Variants in XRN1 observed in about 807,000 individuals in gnomAD.
XRN1 encodes the protein 5'-3' exoribonuclease 1.
In XRN1, 67 loss-of-function variants were observed where a neutral mutation model predicts 222.3. The ratio of observed to expected loss-of-function variants is 0.30; its 90% CI spans 0.25 to 0.37. The LOEUF is 0.37. Ranked by LOEUF, XRN1 falls within the 10% of genes least tolerant of loss-of-function variation. XRN1 has a pLI of 1.00. For missense variants in XRN1, 1,707 were observed against 2,000.2 expected, an observed-to-expected ratio of 0.85 and a Z score of 2.80; for synonymous variants, 643 against 652.4, an observed-to-expected ratio of 0.99 and a Z score of 0.22.
intron 21 of XRN1, 51 bp from the exon 22 acceptor site, chr3:142,383,464 T>A: frequency 6.8e-7 from 1 of 1,474,568 alleles, no homozygotes; most frequent in Non-Finnish European, 9.3e-7. Flanking sequence ...ATAGATTGCG[T>A]ATCAAGTTTT....
chr3:142,377,351 A>G (rs2067176049), intron 23 of XRN1, among the ~76,000 whole-genome samples: 1 of 152,206 alleles, frequency 6.6e-6, no homozygotes, highest in African/African-American at 2.4e-5. Context: ...AACATACTTA[A>G]GAACATAATC....
chr3:142,403,574 T>A (rs751193338), intron 18 of XRN1, 100 bp downstream of exon 18: 290 of 1,069,150 alleles, frequency 2.7e-4, no homozygotes, highest in Non-Finnish European at 3.7e-4. Context: ...TCCAAATTTC[T>A]AGAGTTACAA....
chr3:142,429,443 C>T lies in XRN1; in HGVS notation c.309-2602G>A, dbSNP rs116144499. Among the ~76,000 whole-genome samples the T allele has an allele frequency of 5.1e-3, 783 of 152,126 alleles. 9 individuals are homozygous for T. Among genetic ancestry groups the T allele is most frequent in the African/African-American group, 0.018 (759 of 41,514 alleles). ...GATTACAGGTGCGAGCCACCACGCCCGGCCTGGATTTAGCCGTAATCTTGT... is the reference window on the plus strand; with the variant it reads ...GATTACAGGTGCGAGCCACCACGCCTGGCCTGGATTTAGCCGTAATCTTGT... On this transcript the variant is annotated intron_variant, in intron 2 of 40. Transcript: ENST00000392981.
chr3:142,382,915 T>C (rs923802055), intron 22 of XRN1, among the ~76,000 whole-genome samples: 11 of 152,186 alleles, frequency 7.2e-5, no homozygotes, highest in African/African-American at 2.7e-4. Context: ...CATATTTGCA[T>C]GTACCTTTTT....
chr3:142,388,048 T>C (rs1388701664), intron 20 of XRN1, among the ~76,000 whole-genome samples: 2 of 152,186 alleles, frequency 1.3e-5, no homozygotes, highest in Non-Finnish European at 2.9e-5. Context: ...CTCTTTTCTT[T>C]ATAAATTACC....
intron 16 of XRN1, 112 bp from the exon 17 acceptor site, chr3:142,404,101 G>C: frequency 1.1e-6 from 1 of 927,926 alleles, no homozygotes; most frequent in East Asian, 2.7e-5. Context: ...TTAAAGAAGA[G>C]AATGACAATT....
At position 142,422,843 on chromosome 3, in the gene XRN1, C is replaced by G. The variant is rs200974219; in HGVS notation, c.790G>C (p.Val264Leu). 1 of 1,607,818 alleles carries G rather than the reference C, an allele frequency of 6.2e-7. No individual in the cohort carries two copies. ...GCTTTATTAATACTTACTTTTAATA[C>G]TGAAAACTCATAGTCAATATACTCT... Reference protein sequence around the residue: ...MREYIDYEFSVLKEKITFKYD... With the variant: ...MREYIDYEFSLLKEKITFKYD... Residue 264 changes from valine (V) to leucine (L), a missense_variant, in exon 7 of 41, where the codon GTA (valine) becomes CTA (leucine). By Grantham distance (32) the Val-to-Leu change is conservative (BLOSUM62 1). This residue lies in a region of XRN1 where 1,234 missense variants were observed against 1,518.2 expected (regional missense o/e 0.81). Transcript: ENST00000392981.
intron 29 of XRN1, among the ~76,000 whole-genome samples, chr3:142,364,179 C>T (rs1037788625): frequency 6.6e-6 from 1 of 152,228 alleles, no homozygotes; most frequent in African/African-American, 2.4e-5. Context: ...TGGCACATTG[C>T]TGGCACTAAT....
chr3:142,318,887 T>C lies in XRN1; in HGVS notation c.4421A>G (p.Gln1474Arg). The C allele has an allele frequency of 1.2e-6, 2 of 1,613,632 alleles. No individual in the cohort carries two copies. Among genetic ancestry groups the C allele is most frequent in the Non-Finnish European group, 1.7e-6 (2 of 1,179,824 alleles). ...LRMPQTMTVC[Q>R]VKLSNGLLVH... ...CAGTAAGCCATTAGATAATTTTACT[T>C]GGCAAACGGTCATTGTCTAAAAAAA... Residue 1474 changes from glutamine (Q) to arginine (R), a missense_variant, in exon 38 of 41, where the codon CAA becomes CGA. Gln to Arg is a conservative substitution (Grantham distance 43). Coordinates refer to ENST00000392981, the MANE Select transcript of XRN1 (RefSeq NM_001282857.2).
At chr3:142,385,930 AAT>A (rs1226555216) in intron 20 of XRN1, among the ~76,000 whole-genome samples, 9 of 151,688 alleles carry the variant, frequency 5.9e-5, no homozygotes, top group East Asian at 1.9e-4. Context: ...TGTTTATACA[AAT>A]ATGTCATAAA....
In XRN1 at chr3:142,383,369, C is replaced by G. The variant is rs2067371973; in HGVS notation, c.2547G>C (p.Leu849Phe). ...FDSRFSNIKTLDDLFPLRSMV... is the reference protein window; with the variant it reads ...FDSRFSNIKTFDDLFPLRSMV... ...TACTTCTCAGAGGAAACAAATCATC[C>G]AATGTTTTGATATTGGAGAAACGGG... The change falls in exon 22 of 41, where the codon TTG becomes TTC. Residue 849 changes from leucine (L) to phenylalanine (F), a missense_variant. Transcript: ENST00000392981. 1 of 1,613,958 alleles carries G rather than the reference C, an allele frequency of 6.2e-7. No individual in the cohort carries two copies. Among genetic ancestry groups the G allele is most frequent in the African/African-American group, 1.3e-5 (1 of 75,022 alleles).
At chr3:142,400,279 A>G (rs937368792) in intron 19 of XRN1, among the ~76,000 whole-genome samples, 165 bp downstream of exon 19, 3 of 152,234 alleles carry the variant, frequency 2.0e-5, no homozygotes, top group African/African-American at 7.2e-5. Context: ...TAAACTGTCA[A>G]TAGTGTTTGA....
chr3:142,394,507 A>C (rs2067855860), intron 20 of XRN1, among the ~76,000 whole-genome samples: 1 of 152,200 alleles, frequency 6.6e-6, no homozygotes. Flanking sequence ...ACTTATGACC[A>C]ACCTTCCTTT....
intron 32 of XRN1, among the ~76,000 whole-genome samples, chr3:142,347,978 C>T (rs2066196627): frequency 6.6e-6 from 1 of 152,022 alleles, no homozygotes; most frequent in Admixed American, 6.6e-5. Context: ...AAATACTAAA[C>T]TTTAGGTAAA....
chr3:142,425,133 C>T (rs2069193064), intron 5 of XRN1, 89 bp downstream of exon 5: 4 of 890,632 alleles, frequency 4.5e-6, no homozygotes, highest in South Asian at 2.9e-5. Flanking sequence ...TATTTGTTGC[C>T]ACAGCCAGTA....
chr3:142,385,321 A>AT (rs2067456263), intron 20 of XRN1, among the ~76,000 whole-genome samples: 1 of 152,222 alleles, frequency 6.6e-6, no homozygotes. Context: ...ACATGCTACA[A>AT]TGTGTATGAA....
chr3:142,350,359 T>C (rs2066270784), intron 32 of XRN1, among the ~76,000 whole-genome samples: 1 of 152,058 alleles, frequency 6.6e-6, no homozygotes, highest in South Asian at 2.1e-4. Flanking sequence ...ATCCCTGGCA[T>C]ACTCAAGGAA....
At chr3:142,421,640 C>T (rs1416434759) in intron 8 of XRN1, 97 bp from the exon 9 acceptor site, 11 of 850,442 alleles carry the variant, frequency 1.3e-5, no homozygotes, top group Non-Finnish European at 1.8e-5. Flanking sequence ...TGTTCATGTT[C>T]TACAGTACTA....
chr3:142,329,941 G>A (rs753138386), intron 36 of XRN1, among the ~76,000 whole-genome samples: 4 of 152,098 alleles, frequency 2.6e-5, no homozygotes, highest in Non-Finnish European at 5.9e-5. Flanking sequence ...AAAAAGATGA[G>A]TCTTCCATGA....
Sources: allele counts gnomAD v4.1 joint callset (sites outside exome capture counted in the v4.1 genomes callset), GRCh38; gene constraint gnomAD v4.1.1; regional missense constraint gnomAD v4.1.1; transcripts MANE v1.5; gene names NCBI Gene and HGNC (gene_info 2026-07-23, HGNC 2026-07-21).